PATJ: variants seen among roughly 807,000 people sequenced by gnomAD.
The protein encoded by PATJ is PATJ crumbs cell polarity complex component, also known as inaD-like protein.
Under a neutral mutation model 224.9 loss-of-function variants are expected in PATJ, and 190 were observed. The ratio of observed to expected loss-of-function variants is 0.84; its 90% CI spans 0.75 to 0.95. The LOEUF (loss-of-function observed/expected upper bound fraction) is 0.95. Ranked by LOEUF, PATJ falls within the 40% of genes least tolerant of loss-of-function variation. The probability of loss-of-function intolerance (pLI) is 0.00; values close to 1 mark genes in which losing one functional copy is unlikely to be tolerated. For synonymous variants in PATJ, 769 were observed against 820.3 expected, an observed-to-expected ratio of 0.94 and a Z score of 1.07; for missense variants, 2,121 against 2,270.3, an observed-to-expected ratio of 0.93 and a Z score of 1.34.
chr1:62,069,381 A>G (rs1321809824), intron 31 of PATJ, among the ~76,000 whole-genome samples: 8 of 151,852 alleles, frequency 5.3e-5, no homozygotes, highest in Non-Finnish European at 1.2e-4. Context: ...AGCAATAATT[A>G]TAAGAGCAAT....
rs760422677 is a variant in PATJ at position 62,160,961 on chromosome 1, T to G, written c.5556T>G (p.Val1852=). 6 of 1,613,886 alleles carry G rather than the reference T, an allele frequency of 3.7e-6. No homozygotes were observed. The East Asian group carries it at 1.3e-4, about 36-fold the overall frequency. The change falls in exon 44 of 44, where the codon GTT becomes GTG. Residue 1852 remains valine (V), a synonymous_variant. Transcript: ENST00000642238. ...RLKRGDQILA[V]NGETLEGVTH... is the part of the protein sequence containing the mutation. ...AACGAGGGGATCAGATTTTAGCTGT[T>G]AATGGCGAGACCCTGGAAGGTGTTA...
chr1:62,085,205 T>C (rs1464076376), intron 33 of PATJ, among the ~76,000 whole-genome samples: 2 of 152,086 alleles, frequency 1.3e-5, no homozygotes, highest in African/African-American at 2.4e-5. Context: ...GAGGCTGCAA[T>C]GAGCTGAGAT....
intron 32 of PATJ, among the ~76,000 whole-genome samples, chr1:62,081,496 GT>G (rs1261779958): frequency 6.6e-6 from 1 of 152,068 alleles, no homozygotes; most frequent in East Asian, 1.9e-4. Context: ...GTCTCACCAG[GT>G]TTTTTTCTCT....
At chr1:62,093,096 A>G (rs1273566599) in intron 33 of PATJ, among the ~76,000 whole-genome samples, 2 of 152,116 alleles carry the variant, frequency 1.3e-5, no homozygotes, top group Non-Finnish European at 2.9e-5. Context: ...ATTTTTTTCA[A>G]TCACCTGATT....
Position 61,750,497 on chromosome 1 carries a change from G to A in PATJ, c.-36+7942G>A, listed in dbSNP as rs1645263625. ...TTTGCCCAGGCTGGAGTGCAATGGT[G>A]TGGTCTCGGCTCACCACAACCTCTG... On this transcript the variant is annotated intron_variant, in intron 1 of 43. Transcript: ENST00000642238. 2.7e-5 allele frequency among the ~76,000 whole-genome samples: 4 copies of A among 148,444 alleles called. No homozygotes were observed. In the South Asian group the frequency reaches 8.5e-4, roughly 32 times the overall value.
At chr1:62,159,830 C>T (rs1669675064) in intron 43 of PATJ, among the ~76,000 whole-genome samples, 1 of 152,184 alleles carries the variant, frequency 6.6e-6, no homozygotes, top group South Asian at 2.1e-4. Flanking sequence ...AGGCATGAGC[C>T]ACTGCACCCA....
intron 14 of PATJ, among the ~76,000 whole-genome samples, chr1:61,816,793 A>G (rs1461036800): frequency 6.6e-6 from 1 of 152,180 alleles, no homozygotes; most frequent in African/African-American, 2.4e-5. Flanking sequence ...TGGAGAACGT[A>G]AGACACAGAA....
intron 27 of PATJ, among the ~76,000 whole-genome samples, chr1:61,969,623 C>T (rs189060136): frequency 6.6e-6 from 1 of 152,232 alleles, no homozygotes; most frequent in African/African-American, 2.4e-5. Flanking sequence ...ATTATATACC[C>T]TTATCAGATA....
chr1:61,810,038 T>C (rs1233857923), intron 14 of PATJ, among the ~76,000 whole-genome samples: 12 of 151,536 alleles, frequency 7.9e-5, no homozygotes, highest in African/African-American at 2.9e-4. Context: ...TAAGTAGAGA[T>C]GGGGTTTCAC....
chr1:61,771,432 G>T lies in PATJ; in HGVS notation c.526G>T (p.Asp176Tyr). Residue 176 changes from aspartate to tyrosine, a missense_variant and splice_region_variant, in exon 6 of 44, where the codon GAT becomes TAT. Coordinates refer to ENST00000642238, the MANE Select transcript of PATJ (RefSeq NM_001350145.3). ...AATTTCTTTTCTTACATGATTAAGG[G>T]ATCAAAGATTAAAGGAAAATGATCA... ...DVQPGSVADR[D>Y]QRLKENDQIL... 1 of 1,576,564 alleles carries T rather than the reference G, an allele frequency of 6.3e-7. No homozygotes were observed. Among genetic ancestry groups the T allele is most frequent in the South Asian group, 1.2e-5 (1 of 84,140 alleles).
chr1:61,849,029 T>A (rs1662405287), intron 17 of PATJ, among the ~76,000 whole-genome samples: 1 of 152,226 alleles, frequency 6.6e-6, no homozygotes, highest in African/African-American at 2.4e-5. Context: ...ATACTTTCTC[T>A]TACTGAAATA....
intron 26 of PATJ, among the ~76,000 whole-genome samples, chr1:61,925,779 A>G (rs748984434): frequency 6.6e-6 from 1 of 152,250 alleles, no homozygotes. Context: ...GAGGGAACCA[A>G]TAAGATGGTA....
chr1:62,125,258 A>AAC (rs1665586445), intron 39 of PATJ, among the ~76,000 whole-genome samples: 1 of 116,514 alleles, frequency 8.6e-6, no homozygotes, highest in Non-Finnish European at 1.7e-5. Context: ...AAAAAACAAA[A>AAC]AAAAACAAAA....
intron 27 of PATJ, among the ~76,000 whole-genome samples, chr1:61,980,300 T>C (rs1016513867): frequency 6.6e-6 from 1 of 151,888 alleles, no homozygotes. Flanking sequence ...AAATAAAAAA[T>C]AAATAAAATC....
intron 21 of PATJ, among the ~76,000 whole-genome samples, chr1:61,877,984 G>C (rs1321815504): frequency 6.6e-6 from 1 of 152,190 alleles, no homozygotes; most frequent in Non-Finnish European, 1.5e-5. Context: ...GCTGTGACAG[G>C]TTAGAAATGT....
At chr1:61,918,717 C>A (rs1673825065) in intron 26 of PATJ, among the ~76,000 whole-genome samples, 1 of 152,112 alleles carries the variant, frequency 6.6e-6, no homozygotes. Flanking sequence ...AATCCCAGAA[C>A]TTTAGGAGGC....
rs1664518643 is a variant in PATJ, at chr1:62,117,080, A to G, written c.4804-52A>G. ...GGGAGAGGCTCTGTTAAGATATTTC[A>G]GAATATAAATGCTACTACTTTTCAT... On this transcript the variant is annotated intron_variant, in intron 36 of 43. Coordinates refer to ENST00000642238, the MANE Select transcript of PATJ (RefSeq NM_001350145.3). The G allele has an allele frequency of 3.4e-6, 5 of 1,452,024 alleles. No individual in the cohort carries two copies. The Admixed American group carries it at 8.6e-5, about 25-fold the overall frequency. 89.9% of individuals were successfully genotyped at this position (1,452,024 alleles called of 1,614,324 possible). A position where few individuals can be genotyped will look rare whatever the true frequency, so the allele number is the denominator to read the frequency against.
At chr1:61,997,061 C>G (rs922159456) in intron 28 of PATJ, among the ~76,000 whole-genome samples, 1 of 150,234 alleles carries the variant, frequency 6.7e-6, no homozygotes, top group South Asian at 2.1e-4. Context: ...TTCTAAATAG[C>G]TAAAAGTGTA....
chr1:62,066,448 A>T (rs1558120498), intron 31 of PATJ, among the ~76,000 whole-genome samples: 1 of 151,336 alleles, frequency 6.6e-6, no homozygotes, highest in Non-Finnish European at 1.5e-5. Flanking sequence ...CAGTGGTGTG[A>T]TCACAGCTCA....
Sources: gnomAD v4.1 joint callset for allele counts (sites outside exome capture counted in the v4.1 genomes callset) on GRCh38, gnomAD v4.1.1 for gene constraint, MANE v1.5 for transcripts, NCBI Gene and HGNC (gene_info 2026-07-23, HGNC 2026-07-21) for gene names.